The following ARHGAP24 variants were observed in gnomAD, a reference collection of about 807,000 sequenced individuals.
ARHGAP24 encodes rho GTPase-activating protein 24.
In ARHGAP24, 50 loss-of-function variants were observed where a neutral mutation model predicts 76.4. That is an observed-to-expected ratio of 0.65 (90% confidence interval 0.52 to 0.83). ARHGAP24 has a LOEUF of 0.83. Among genes scored for constraint, ARHGAP24 ranks in the 40% least tolerant of loss-of-function variants. The pLI, the probability that ARHGAP24 is intolerant of heterozygous loss-of-function variation, is 0.00. For synonymous variants in ARHGAP24, 345 were observed against 323.3 expected (o/e 1.07, Z -0.72); for missense variants, 930 against 914.2 (o/e 1.02, Z -0.22).
chr4:85,541,378 C>A (rs908327796), intron 1 of ARHGAP24, among the ~76,000 whole-genome samples: 3 of 121,310 alleles, frequency 2.5e-5, no homozygotes, highest in Non-Finnish European at 4.6e-5. Context: ...TGGTCTTGAT[C>A]TCCTGACCTC....
chr4:85,636,704 A>G (rs9994722), intron 2 of ARHGAP24, among the ~76,000 whole-genome samples: 81,893 of 151,796 alleles, frequency 0.54, 23,255 homozygotes, highest in Non-Finnish European at 0.64. Flanking sequence ...TATCAGTCCA[A>G]ATCCATCAGC....
At chr4:85,626,704 C>T (rs2110009007) in intron 2 of ARHGAP24, among the ~76,000 whole-genome samples, 1 of 152,310 alleles carries the variant, frequency 6.6e-6, no homozygotes, top group Non-Finnish European at 1.5e-5. Flanking sequence ...CCATCACTTT[C>T]AGGTACACCA....
At position 85,500,787 on chromosome 4, in the gene ARHGAP24, T is replaced by G. The variant is rs544804096; in HGVS notation, c.-21+25228T>G. 8.9e-4 allele frequency among the ~76,000 whole-genome samples: 135 copies of G among 152,270 alleles called. 1 individual carries two copies. The South Asian group carries it at 0.011, about 13-fold the overall frequency. On this transcript the variant is annotated intron_variant, in intron 1 of 9. Transcript: ENST00000395184. ...AACGGGGAGGTTTGTTACATAGGTA[T>G]ACATGTGCCATGTTGGTTTGCTGCA...
intron 3 of ARHGAP24, among the ~76,000 whole-genome samples, chr4:85,882,483 T>G (rs1273276843): frequency 6.6e-6 from 1 of 152,212 alleles, no homozygotes; most frequent in Non-Finnish European, 1.5e-5. Flanking sequence ...GACTTCCGGC[T>G]CTGCTATTAG....
chr4:85,570,373 TC>T, intron 1 of ARHGAP24, 148 bp from the exon 2 acceptor site: 2,439 of 13,144 alleles, frequency 0.19, 230 homozygotes, highest in East Asian at 0.26. Flanking sequence ...TCTCTTTCTT[TC>T]TTTCTTTCTT....
intron 2 of ARHGAP24, among the ~76,000 whole-genome samples, chr4:85,580,153 G>GGA (rs140863021): frequency 0.26 from 37,852 of 148,120 alleles, 6,381 homozygotes; most frequent in East Asian, 0.84. Flanking sequence ...GGAGGGTGAT[G>GGA]GAGAGAGAGA....
intron 2 of ARHGAP24, among the ~76,000 whole-genome samples, chr4:85,587,439 A>G (rs965943284): frequency 1.3e-5 from 2 of 152,206 alleles, no homozygotes; most frequent in African/African-American, 4.8e-5. Flanking sequence ...AAAAAGCATC[A>G]TCTAGCAGAT....
intron 7 of ARHGAP24, chr4:85,975,400 T>C (rs1739261407): frequency 6.2e-6 from 1 of 161,486 alleles, no homozygotes; most frequent in Non-Finnish European, 1.4e-5. Context: ...ATATTTCACA[T>C]AGTTGTTTTA....
intron 4 of ARHGAP24, among the ~76,000 whole-genome samples, chr4:85,934,438 A>G (rs1433713009): frequency 6.6e-6 from 1 of 152,114 alleles, no homozygotes; most frequent in African/African-American, 2.4e-5. Context: ...CACTGACTCT[A>G]ATTTCTTCAG....
At chr4:85,894,097 A>AAG (rs1196792757) in intron 3 of ARHGAP24, among the ~76,000 whole-genome samples, 664 of 45,028 alleles carry the variant, frequency 0.015, 13 homozygotes, top group African/African-American at 0.053. Context: ...CTTAGAGTAT[A>AAG]ATAAAAAAAA....
At chr4:85,523,128 A>G (rs1469939970) in intron 1 of ARHGAP24, among the ~76,000 whole-genome samples, 1 of 152,216 alleles carries the variant, frequency 6.6e-6, no homozygotes, top group African/African-American at 2.4e-5. Flanking sequence ...CAAAAAACCC[A>G]TGCAGAAATG....
At chr4:85,910,776 C>G (rs939320325) in intron 3 of ARHGAP24, among the ~76,000 whole-genome samples, 22 of 152,052 alleles carry the variant, frequency 1.4e-4, no homozygotes, top group African/African-American at 5.3e-4. Flanking sequence ...ACAACTGGTC[C>G]GTGGGCTGCC....
At chr4:85,784,416 T>C (rs1447862191) in intron 3 of ARHGAP24, among the ~76,000 whole-genome samples, 1 of 152,154 alleles carries the variant, frequency 6.6e-6, no homozygotes, top group Non-Finnish European at 1.5e-5. Context: ...GAAAATTTCA[T>C]ATAGGCCTAT....
At chr4:85,928,445 T>C (rs1486422326) in intron 4 of ARHGAP24, among the ~76,000 whole-genome samples, 1 of 152,062 alleles carries the variant, frequency 6.6e-6, no homozygotes, top group Non-Finnish European at 1.5e-5. Flanking sequence ...AATTCATTAA[T>C]AGTTTTTTTG....
intron 9 of ARHGAP24, among the ~76,000 whole-genome samples, chr4:85,996,858 G>A (rs1475190758): frequency 6.6e-6 from 1 of 152,132 alleles, no homozygotes; most frequent in Non-Finnish European, 1.5e-5. Context: ...TTCACACTGG[G>A]AAGCTTATAT....
At chr4:85,695,186 C>T (rs928661538) in intron 2 of ARHGAP24, among the ~76,000 whole-genome samples, 1 of 152,112 alleles carries the variant, frequency 6.6e-6, no homozygotes, top group Non-Finnish European at 1.5e-5. Context: ...AAAAGTAAAG[C>T]AAAATAATGT....
chr4:85,949,351 AAAC>A (rs540670437), intron 5 of ARHGAP24, among the ~76,000 whole-genome samples: 96 of 152,328 alleles, frequency 6.3e-4, no homozygotes, highest in African/African-American at 1.9e-3. Context: ...TTTTAGTTTA[AAAC>A]AACAACTTTT....
chr4:85,885,513 G>A (rs535778877), intron 3 of ARHGAP24, among the ~76,000 whole-genome samples: 8 of 152,090 alleles, frequency 5.3e-5, no homozygotes, highest in East Asian at 3.9e-4. Context: ...CTTCAAGGTC[G>A]TCTTTTTGAA....
intron 3 of ARHGAP24, among the ~76,000 whole-genome samples, chr4:85,763,413 G>C (rs1177468950): frequency 6.6e-6 from 1 of 152,100 alleles, no homozygotes; most frequent in Non-Finnish European, 1.5e-5. Flanking sequence ...GAAGCCATTA[G>C]ATCCACCCTG....
Sources: gnomAD v4.1 joint callset for allele counts (sites outside exome capture counted in the v4.1 genomes callset) on GRCh38, gnomAD v4.1.1 for gene constraint, MANE v1.5 for transcripts, NCBI Gene and HGNC (gene_info 2026-07-23, HGNC 2026-07-21) for gene names.